The following XRCC4 variants were observed in gnomAD, a reference collection of about 807,000 sequenced individuals.
XRCC4 encodes X-ray repair cross complementing 4.
XRCC4 carries 28 observed loss-of-function variants against 39.1 expected under a neutral mutation model. The observed-to-expected ratio is 0.72, with a 90% CI of 0.53 to 0.98. XRCC4 has a LOEUF of 0.98. XRCC4 is among the 50% of genes least tolerant of loss of function. The pLI is 0.00. For synonymous variants in XRCC4, 123 were observed against 126.4 expected (o/e 0.97, Z 0.18); for missense variants, 350 against 376.4 (o/e 0.93, Z 0.58).
intron 3 of XRCC4, among the ~76,000 whole-genome samples, chr5:83,169,851 G>A (rs1455570355): frequency 6.6e-6 from 1 of 152,158 alleles, no homozygotes; most frequent in Non-Finnish European, 1.5e-5. Flanking sequence ...AAGTGTGACG[G>A]TAAACAGAAT....
chr5:83,109,685 C>T (rs1302625553), intron 2 of XRCC4, among the ~76,000 whole-genome samples: 1 of 151,746 alleles, frequency 6.6e-6, no homozygotes, highest in Non-Finnish European at 1.5e-5. Flanking sequence ...TATTTCAAAA[C>T]CAAAGTAATT....
intron 3 of XRCC4, among the ~76,000 whole-genome samples, chr5:83,156,829 G>A (rs1748988593): frequency 6.6e-6 from 1 of 152,062 alleles, no homozygotes; most frequent in Admixed American, 6.6e-5. Context: ...GGTGCTTTTA[G>A]GAGAGGTTGC....
chr5:83,155,240 T>C (rs1024147399), intron 3 of XRCC4, among the ~76,000 whole-genome samples: 3 of 152,302 alleles, frequency 2.0e-5, no homozygotes, highest in African/African-American at 4.8e-5. Context: ...GTGTATATGA[T>C]TCTTGGTCAG....
At chr5:83,260,887 C>G (rs1182024926) in intron 7 of XRCC4, among the ~76,000 whole-genome samples, 1 of 151,866 alleles carries the variant, frequency 6.6e-6, no homozygotes, top group Non-Finnish European at 1.5e-5. Flanking sequence ...GCAGACTGCC[C>G]CTAAGTAGAA....
intron 7 of XRCC4, 87 bp downstream of exon 7, chr5:83,258,764 A>G: frequency 6.9e-7 from 1 of 1,441,178 alleles, no homozygotes; most frequent in Non-Finnish European, 9.4e-7. Flanking sequence ...TTCATTTTGA[A>G]CGTTTTTAAA....
At chr5:83,331,503 T>C (rs1157088858) in intron 7 of XRCC4, among the ~76,000 whole-genome samples, 1 of 152,092 alleles carries the variant, frequency 6.6e-6, no homozygotes, top group African/African-American at 2.4e-5. Context: ...TTGTAAAAGA[T>C]GTTAAACATT....
At chr5:83,339,449 G>A (rs1368273503) in intron 7 of XRCC4, among the ~76,000 whole-genome samples, 2 of 149,252 alleles carry the variant, frequency 1.3e-5, no homozygotes, top group Non-Finnish European at 3.0e-5. Flanking sequence ...GCAGGGAGGG[G>A]AACATCACAC....
intron 6 of XRCC4, among the ~76,000 whole-genome samples, chr5:83,218,193 G>T (rs548277227): frequency 4.0e-5 from 6 of 149,906 alleles, no homozygotes; most frequent in African/African-American, 4.9e-5. Flanking sequence ...ACATTAGGTA[G>T]ATCTACTAAT....
At chr5:83,133,006 C>T (rs1210246866) in intron 3 of XRCC4, among the ~76,000 whole-genome samples, 1 of 151,916 alleles carries the variant, frequency 6.6e-6, no homozygotes, top group Non-Finnish European at 1.5e-5. Context: ...CTGGTTTTTC[C>T]CCATCTTTGT....
In XRCC4 at chr5:83,116,608, C is replaced by CT. The variant is rs559079642; in HGVS notation, c.315+5436dup. Among the ~76,000 whole-genome samples the CT allele has an allele frequency of 1.5e-3, 158 of 103,114 alleles. 5 individuals are homozygous for CT. The highest frequency in any genetic ancestry group is 2.0e-3 in the Non-Finnish European group (107 of 52,440). The allele number at this position is 103,114 out of a possible 152,430, so 67.6% of individuals were successfully genotyped here. A position where few individuals can be genotyped will look rare whatever the true frequency, so the allele number is the denominator to read the frequency against. ...GAAAGAATTACCAGTTTCTCTCTCT[C>CT]TTTTTTTTTTTTTTTTTTTTTTTTT... On this transcript the variant is annotated intron_variant, in intron 3 of 7. Transcript: ENST00000396027.
rs377628539 is a variant in XRCC4, at chr5:83,306,869, G to A, written c.894-46262G>A. Among the ~76,000 whole-genome samples, 26 of 152,230 alleles carry A rather than the reference G, an allele frequency of 1.7e-4. No individual in the cohort carries two copies. In the East Asian group the frequency reaches 4.6e-3, roughly 27 times the overall value. On this transcript the variant is annotated intron_variant, in intron 7 of 7. Transcript: ENST00000396027. Reference sequence around the variant, plus strand: ...CTCTCTTGAGGCACAGAATAGAACAGAACAGAGAACAGAAAGCAGAAAGAA... The same window carrying A: ...CTCTCTTGAGGCACAGAATAGAACAAAACAGAGAACAGAAAGCAGAAAGAA...
At chr5:83,079,151 A>G (rs1404642605) in intron 1 of XRCC4, among the ~76,000 whole-genome samples, 1 of 152,240 alleles carries the variant, frequency 6.6e-6, no homozygotes, top group Non-Finnish European at 1.5e-5. Flanking sequence ...GATTTGCTAT[A>G]TCTATATATT....
chr5:83,302,807 A>G (rs1402120357), intron 7 of XRCC4, among the ~76,000 whole-genome samples: 1 of 152,250 alleles, frequency 6.6e-6, no homozygotes, highest in Non-Finnish European at 1.5e-5. Flanking sequence ...AAAGTGCTTT[A>G]CATTTGTTAC....
chr5:83,088,057 T>C lies in XRCC4; in HGVS notation c.-11+10442T>C, dbSNP rs16900159. ...AGTTGATTGTTGGTATTTCATTTTC[T>C]GAACATTGGATTCCTCAGGCAAACC... On this transcript the variant is annotated intron_variant, in intron 1 of 7. Coordinates refer to ENST00000396027, the MANE Select transcript of XRCC4 (RefSeq NM_003401.5). 2.9e-3 allele frequency among the ~76,000 whole-genome samples: 443 copies of C among 152,326 alleles called. 11 individuals are homozygous for C. The East Asian group carries it at 0.074, about 25-fold the overall frequency.
intron 6 of XRCC4, among the ~76,000 whole-genome samples, chr5:83,217,169 C>T (rs992302367): frequency 6.6e-6 from 1 of 151,862 alleles, no homozygotes; most frequent in African/African-American, 2.4e-5. Flanking sequence ...GCCTGGCCAA[C>T]ATGGTGAAAC....
chr5:83,343,070 C>CTT (rs57984474), intron 7 of XRCC4, among the ~76,000 whole-genome samples: 21,889 of 145,636 alleles, frequency 0.15, 2,814 homozygotes, highest in African/African-American at 0.36. Flanking sequence ...AAATATTTGA[C>CTT]TTTTTTTTTT....
chr5:83,104,290 G>A (rs929711736), intron 1 of XRCC4, among the ~76,000 whole-genome samples: 4 of 152,010 alleles, frequency 2.6e-5, no homozygotes, highest in Non-Finnish European at 5.9e-5. Context: ...TCCAGACAGT[G>A]TCTCCAGACA....
intron 7 of XRCC4, among the ~76,000 whole-genome samples, chr5:83,261,531 T>C (rs1051641014): frequency 1.3e-5 from 2 of 152,004 alleles, no homozygotes; most frequent in Non-Finnish European, 2.9e-5. Flanking sequence ...GATTCCACTA[T>C]TTAGCTTCTC....
chr5:83,087,612 G>A (rs1033484070), intron 1 of XRCC4, among the ~76,000 whole-genome samples: 7 of 151,768 alleles, frequency 4.6e-5, no homozygotes, highest in Non-Finnish European at 8.8e-5. Flanking sequence ...GCAGTGAGCC[G>A]AGATGGTGCC....
Sources: allele counts gnomAD v4.1 joint callset (sites outside exome capture counted in the v4.1 genomes callset), GRCh38; gene constraint gnomAD v4.1.1; transcripts MANE v1.5; gene names NCBI Gene and HGNC (gene_info 2026-07-23, HGNC 2026-07-21).